The following TBL1X variants were observed in gnomAD, a reference collection of about 807,000 sequenced individuals.
The protein encoded by TBL1X is F-box-like/WD repeat-containing protein TBL1X.
TBL1X carries 10 observed loss-of-function variants against 50.7 expected under a neutral mutation model. That is an observed-to-expected ratio of 0.20 (90% confidence interval 0.12 to 0.33). The LOEUF (loss-of-function observed/expected upper bound fraction) is 0.33. TBL1X is among the 10% of genes least tolerant of loss of function. The probability of loss-of-function intolerance (pLI) is 1.00; values close to 1 mark genes in which losing one functional copy is unlikely to be tolerated. For missense variants in TBL1X, 340 were observed against 504.4 expected (o/e 0.67, Z 3.12); for synonymous variants, 190 against 214.7 (o/e 0.88, Z 1.01).
At chrX:9,572,386 T>A (rs759255605) in intron 2 of TBL1X, among the ~76,000 whole-genome samples, 1 of 113,008 alleles carries the variant, frequency 8.8e-6, no homozygotes, top group African/African-American at 3.2e-5. Context: ...TCCCTGAATT[T>A]GCTTTTCTTT....
chrX:9,644,693 T>A (rs2082794182), intron 3 of TBL1X: 1 of 110,074 alleles, frequency 9.1e-6, no homozygotes, highest in Admixed American at 9.6e-5. Flanking sequence ...GCTCGCTCTG[T>A]CATCCTGGCT....
At chrX:9,626,883 G>T (rs1450377198) in intron 2 of TBL1X, among the ~76,000 whole-genome samples, 1 of 112,381 alleles carries the variant, frequency 8.9e-6, no homozygotes, top group African/African-American at 3.2e-5. Context: ...TCTTACAAGG[G>T]TGGCAACTTT....
intron 1 of TBL1X, among the ~76,000 whole-genome samples, chrX:9,491,557 A>G (rs757191459): frequency 1.4e-3 from 155 of 106,956 alleles, no homozygotes; most frequent in South Asian, 2.9e-3. Flanking sequence ...TTTTGTTTCT[A>G]CTCTGCACAG....
At chrX:9,490,341 T>G (rs1324038077) in intron 1 of TBL1X, among the ~76,000 whole-genome samples, 2 of 111,675 alleles carry the variant, frequency 1.8e-5, no homozygotes, top group East Asian at 5.6e-4. Context: ...GGAGAGGGGA[T>G]TGTGCCCCTT....
chrX:9,701,569 T>TAAAAAA (rs63287561), intron 12 of TBL1X, among the ~76,000 whole-genome samples: 61 of 46,988 alleles, frequency 1.3e-3, no homozygotes, highest in African/African-American at 4.6e-3. Flanking sequence ...CTTGATGAGC[T>TAAAAAA]AAAAAAAAAA....
At chrX:9,660,727 C>A (rs1323639100) in intron 5 of TBL1X, among the ~76,000 whole-genome samples, 3 of 112,383 alleles carry the variant, frequency 2.7e-5, no homozygotes, top group African/African-American at 9.7e-5. Context: ...CCTAAAGAGC[C>A]CATTTCTGCA....
At chrX:9,652,850 C>CA (rs750794158) in intron 3 of TBL1X, among the ~76,000 whole-genome samples, 1,719 of 55,241 alleles carry the variant, frequency 0.031, 38 homozygotes, top group African/African-American at 0.075. Flanking sequence ...GACTCTGTCT[C>CA]AAAAAAAAAA....
At chrX:9,662,768 G>A (rs12009032) in intron 5 of TBL1X, among the ~76,000 whole-genome samples, 8,914 of 111,270 alleles carry the variant, frequency 0.08, 894 homozygotes, top group African/African-American at 0.28. Context: ...CTTGGACAAC[G>A]TAGCAAGACC....
At chrX:9,561,109 T>A (rs111936251) in intron 2 of TBL1X, among the ~76,000 whole-genome samples, 1 of 111,360 alleles carries the variant, frequency 9.0e-6, no homozygotes, top group African/African-American at 3.3e-5. Context: ...GAATTCCCAA[T>A]GACCCATCAC....
intron 2 of TBL1X, among the ~76,000 whole-genome samples, chrX:9,513,072 G>T (rs2082064383): frequency 9.0e-6 from 1 of 110,737 alleles, no homozygotes; most frequent in African/African-American, 3.3e-5. Flanking sequence ...GAATACAAAT[G>T]AAGGCACCCG....
At chrX:9,529,238 G>T (rs2082147904) in intron 2 of TBL1X, among the ~76,000 whole-genome samples, 1 of 111,283 alleles carries the variant, frequency 9.0e-6, no homozygotes. Context: ...GGCTGCTTTA[G>T]TGTGCCACCA....
chrX:9,702,762 A>G (rs1207181729), intron 12 of TBL1X, among the ~76,000 whole-genome samples: 2 of 111,997 alleles, frequency 1.8e-5, no homozygotes, highest in Non-Finnish European at 3.8e-5. Flanking sequence ...TACCTTGGAG[A>G]ACATAACTTG....
Position 9,692,160 on chromosome X carries a change from A to G in TBL1X, c.797A>G (p.Asn266Ser). The change falls in exon 9 of 18, where the codon AAC (asparagine) becomes AGC (serine). Residue 266 changes from asparagine (N) to serine (S), a missense_variant. Asn to Ser is a conservative substitution (Grantham distance 46). This residue lies in a region of TBL1X where 170 missense variants were observed against 272.6 expected (regional missense o/e 0.62). Transcript: ENST00000645353. ...ATATGGAACCTGAATGAGAATAGCA[A>G]CGGGGGCTCCACCCAGCTCGTGTTG... The part of the protein sequence containing the change: ...ARIWNLNENS[N>S]GGSTQLVLRH... The G allele has an allele frequency of 2.5e-6, 3 of 1,211,521 alleles. No homozygotes were observed. The highest frequency in any genetic ancestry group is 1.1e-6 in the Non-Finnish European group (1 of 895,451).
At chrX:9,712,421 T>C (rs2083253346) in intron 16 of TBL1X, among the ~76,000 whole-genome samples, 1 of 112,691 alleles carries the variant, frequency 8.9e-6, no homozygotes, top group African/African-American at 3.2e-5. Flanking sequence ...CACTGCAACC[T>C]CTGCCTCCCA....
chrX:9,694,831 G>C (rs1451745071), intron 11 of TBL1X, among the ~76,000 whole-genome samples: 1 of 110,185 alleles, frequency 9.1e-6, no homozygotes, highest in African/African-American at 3.3e-5. Context: ...AAATTAGCTG[G>C]GCGTGGTGGG....
At chrX:9,675,570 A>G (rs1187810652) in intron 5 of TBL1X, among the ~76,000 whole-genome samples, 1 of 111,779 alleles carries the variant, frequency 8.9e-6, no homozygotes, top group Admixed American at 9.5e-5. Flanking sequence ...TTCTGTGACC[A>G]TGATGATTAT....
intron 2 of TBL1X, among the ~76,000 whole-genome samples, chrX:9,523,826 T>C (rs2082118239): frequency 9.0e-6 from 1 of 111,630 alleles, no homozygotes; most frequent in South Asian, 3.7e-4. Flanking sequence ...CATTCTAAAA[T>C]AAAAGTAGAA....
At chrX:9,499,481 A>G (rs1443083856) in intron 1 of TBL1X, among the ~76,000 whole-genome samples, 1 of 112,127 alleles carries the variant, frequency 8.9e-6, no homozygotes, top group Non-Finnish European at 1.9e-5. Context: ...GAAAGAGTGA[A>G]TAAAAAACGC....
chrX:9,522,621 A>C (rs1424356034), intron 2 of TBL1X, among the ~76,000 whole-genome samples: 1 of 111,671 alleles, frequency 9.0e-6, no homozygotes, highest in Non-Finnish European at 1.9e-5. Flanking sequence ...CATTATGACT[A>C]TGTAAATGCC....
Sources: allele counts gnomAD v4.1 joint callset (sites outside exome capture counted in the v4.1 genomes callset), GRCh38; gene constraint gnomAD v4.1.1; regional missense constraint gnomAD v4.1.1; transcripts MANE v1.5; gene names NCBI Gene and HGNC (gene_info 2026-07-23, HGNC 2026-07-21).